Variants in KIF1B observed in about 807,000 individuals in gnomAD.
The protein encoded by KIF1B is kinesin family member 1B, also known as kinesin-like protein KIF1B.
In KIF1B, 76 loss-of-function variants were observed where a neutral mutation model predicts 241.9. The ratio of observed to expected loss-of-function variants is 0.31; its 90% CI spans 0.26 to 0.38. The LOEUF (loss-of-function observed/expected upper bound fraction) is 0.38. Among genes scored for constraint, KIF1B ranks in the 10% least tolerant of loss-of-function variants. The pLI, the probability that KIF1B is intolerant of heterozygous loss-of-function variation, is 1.00. For synonymous variants in KIF1B, 750 were observed against 796.7 expected (o/e 0.94, Z 0.99); for missense variants, 1,622 against 2,271.4 (o/e 0.71, Z 5.81).
intron 38 of KIF1B, among the ~76,000 whole-genome samples, chr1:10,356,792 C>G (rs1638263230): frequency 2.6e-5 from 4 of 151,864 alleles, no homozygotes; most frequent in Admixed American, 2.6e-4. Flanking sequence ...CCCAGCTACT[C>G]AGGAGGCTGA....
intron 17 of KIF1B, among the ~76,000 whole-genome samples, chr1:10,293,258 T>C (rs1650096469): frequency 6.6e-6 from 1 of 152,184 alleles, no homozygotes; most frequent in Non-Finnish European, 1.5e-5. Context: ...CAGTAAGACA[T>C]GTATTCATTC....
intron 22 of KIF1B, among the ~76,000 whole-genome samples, chr1:10,316,048 T>C (rs1482299620): frequency 1.3e-5 from 1 of 75,518 alleles, no homozygotes; most frequent in Non-Finnish European, 2.4e-5. Flanking sequence ...AGAGCAAAAC[T>C]CCATCTCAAA....
chr1:10,264,905 C>T (rs1234697163), intron 5 of KIF1B, among the ~76,000 whole-genome samples: 1 of 152,232 alleles, frequency 6.6e-6, no homozygotes, highest in Non-Finnish European at 1.5e-5. Context: ...TCATGATCCA[C>T]CCGCCTTGGC....
intron 22 of KIF1B, among the ~76,000 whole-genome samples, chr1:10,318,731 GGAGGAAACCC>G (rs1651401699): frequency 1.3e-5 from 2 of 152,116 alleles, no homozygotes; most frequent in African/African-American, 4.8e-5. Context: ...CAAAAAAGAA[GGAGGAAACCC>G]TGGCAGTAAA....
chr1:10,366,144 T>C (rs1638566294), intron 43 of KIF1B, among the ~76,000 whole-genome samples: 1 of 152,012 alleles, frequency 6.6e-6, no homozygotes, highest in South Asian at 2.1e-4. Context: ...GGCAGGAGAA[T>C]TGCTTGAACC....
chr1:10,342,054 C>T lies in KIF1B; in HGVS notation c.3518C>T (p.Ala1173Val). 4.4e-6 allele frequency: 7 copies of T among 1,584,648 alleles called. No homozygotes were observed. Among genetic ancestry groups the T allele is most frequent in the Non-Finnish European group, 6.1e-6 (7 of 1,153,568 alleles). Reference sequence around the variant, plus strand: ...CCTAATCTTGCTTGGCTTTAGATTGCAGTGGAGATCACTGAATCATTTGTG... The same window carrying T: ...CCTAATCTTGCTTGGCTTTAGATTGTAGTGGAGATCACTGAATCATTTGTG... ...PLAFYHVQNI[A>V]VEITESFVDY... is the part of the protein sequence containing the mutation. Residue 1173 changes from alanine (A) to valine (V), a missense_variant, in exon 33 of 49, where the codon GCA becomes GTA. Around this residue, in one of 7 missense-constraint regions of KIF1B, gnomAD observed 803 missense variants for 1,112.0 expected, o/e 0.72. Coordinates refer to ENST00000676179, the MANE Select transcript of KIF1B (RefSeq NM_001365951.3).
At chr1:10,284,100 A>G (rs536910262) in intron 15 of KIF1B, among the ~76,000 whole-genome samples, 1 of 152,296 alleles carries the variant, frequency 6.6e-6, no homozygotes, top group East Asian at 1.9e-4. Context: ...TGGGCCGGGC[A>G]TGGTGGCTCA....
chr1:10,216,330 C>G (rs1374510053), intron 1 of KIF1B, among the ~76,000 whole-genome samples: 1 of 152,194 alleles, frequency 6.6e-6, no homozygotes, highest in African/African-American at 2.4e-5. Context: ...TAATTGATAG[C>G]TTTCACTTTC....
At chr1:10,320,875 G>A (rs999198728) in intron 23 of KIF1B, among the ~76,000 whole-genome samples, 1 of 151,482 alleles carries the variant, frequency 6.6e-6, no homozygotes, top group African/African-American at 2.4e-5. Context: ...CTAATTTTGT[G>A]TTTTTAGTGG....
intron 15 of KIF1B, among the ~76,000 whole-genome samples, chr1:10,288,784 G>T (rs1236730278): frequency 6.6e-6 from 1 of 151,890 alleles, no homozygotes; most frequent in African/African-American, 2.4e-5. Context: ...TGCTTTTGCA[G>T]CTGCTGCTTT....
In KIF1B at chr1:10,261,927, A is replaced by C; in HGVS notation, c.386A>C (p.Lys129Thr). The change falls in exon 5 of 49, where the codon AAA becomes ACA. Residue 129 changes from lysine to threonine, a missense_variant. By Grantham distance (78) the Lys-to-Thr change is moderately conservative (BLOSUM62 -1). Transcript: ENST00000676179. ...TAGTTATGTGAAGAACTTTTTGAGA[A>C]AATCAATGACAACTGTAATGAAGAA... ...IPQLCEELFE[K>T]INDNCNEEMS... The C allele has an allele frequency of 6.2e-7, 1 of 1,612,154 alleles. No individual in the cohort carries two copies. Among genetic ancestry groups the C allele is most frequent in the Non-Finnish European group, 8.5e-7 (1 of 1,178,222 alleles).
At chr1:10,290,154 T>C (rs1318535719) in intron 15 of KIF1B, among the ~76,000 whole-genome samples, 5 of 152,086 alleles carry the variant, frequency 3.3e-5, no homozygotes, top group Non-Finnish European at 5.9e-5. Context: ...TTAATTTAAT[T>C]AATTTATTTT....
intron 1 of KIF1B, among the ~76,000 whole-genome samples, chr1:10,226,866 G>A (rs1256893550): frequency 1.3e-4 from 19 of 151,988 alleles, no homozygotes; most frequent in Non-Finnish European, 1.0e-4. Flanking sequence ...TACTTGGGAA[G>A]CTGAGGTGGG....
chr1:10,286,287 G>A (rs189883501), intron 15 of KIF1B, among the ~76,000 whole-genome samples: 3 of 152,312 alleles, frequency 2.0e-5, no homozygotes, highest in African/African-American at 7.2e-5. Flanking sequence ...TGATCTGCCT[G>A]CCTCGGCCTC....
chr1:10,312,735 C>CT (rs1651122767), intron 22 of KIF1B, among the ~76,000 whole-genome samples: 1 of 151,740 alleles, frequency 6.6e-6, no homozygotes, highest in South Asian at 2.1e-4. Context: ...GTCTAGAAGT[C>CT]TGTCTCCCAT....
Position 10,305,114 on chromosome 1 carries a change from G to A in KIF1B, c.2115+7868G>A, listed in dbSNP as rs6685534. ...TTTAAAAATAATAACATGCAACTGGGTGGGCACAGCTTTGGATTTCTCATC... is the reference window on the plus strand; with the variant it reads ...TTTAAAAATAATAACATGCAACTGGATGGGCACAGCTTTGGATTTCTCATC... On this transcript the variant is annotated intron_variant, in intron 22 of 48. Transcript: ENST00000676179. 7.3e-4 allele frequency: 774 copies of A among 1,063,780 alleles called. 6 individuals carry two copies. In the African/African-American group the frequency reaches 0.012, roughly 16 times the overall value. The allele number at this position is 1,063,780 out of a possible 1,614,324, so 65.9% of individuals were successfully genotyped here. A position where few individuals can be genotyped will look rare whatever the true frequency, so the allele number is the denominator to read the frequency against.
At chr1:10,233,767 G>A (rs538462881) in intron 2 of KIF1B, among the ~76,000 whole-genome samples, 3 of 147,888 alleles carry the variant, frequency 2.0e-5, no homozygotes, top group African/African-American at 7.5e-5. Flanking sequence ...AGGCTGGAGT[G>A]CAGTGGCATG....
At chr1:10,280,093 T>G (rs978735773) in intron 14 of KIF1B, among the ~76,000 whole-genome samples, 4 of 152,204 alleles carry the variant, frequency 2.6e-5, no homozygotes, top group African/African-American at 9.6e-5. Flanking sequence ...CTCATTATTC[T>G]CTCCACATAT....
Position 10,374,603 on chromosome 1 carries a change from G to A in KIF1B, c.5096+138G>A, listed in dbSNP as rs965647188. 2 of 1,117,188 alleles carry A rather than the reference G, an allele frequency of 1.8e-6. No homozygotes were observed. The highest frequency in any genetic ancestry group is 2.7e-6 in the Non-Finnish European group (2 of 750,532). The allele number at this position is 1,117,188 out of a possible 1,614,324, so 69.2% of individuals were successfully genotyped here. A position where few individuals can be genotyped will look rare whatever the true frequency, so the allele number is the denominator to read the frequency against. On this transcript the variant is annotated intron_variant, in intron 46 of 48. Coordinates refer to ENST00000676179, the MANE Select transcript of KIF1B (RefSeq NM_001365951.3). This position sits in a 1 kb window ranked among gnomAD's most constrained non-coding sequence, Gnocchi z 4.3. Reference sequence around the variant, plus strand: ...TGTAGTCTGATGCAAGTTGAGTCTGGGGTGAGAGGGCCAGCCTGGGTTTCT... The same window carrying A: ...TGTAGTCTGATGCAAGTTGAGTCTGAGGTGAGAGGGCCAGCCTGGGTTTCT...
Sources: gnomAD v4.1 joint callset for allele counts (sites outside exome capture counted in the v4.1 genomes callset) on GRCh38, gnomAD v4.1.1 for gene constraint, gnomAD v4.1.1 regional missense constraint, Gnocchi (gnomAD v3.1) non-coding constraint, MANE v1.5 for transcripts, NCBI Gene and HGNC (gene_info 2026-07-23, HGNC 2026-07-21) for gene names.